BRINP3: variants seen among roughly 807,000 people sequenced by gnomAD.
The protein encoded by BRINP3 is BMP/retinoic acid inducible neural specific 3.
Under a neutral mutation model 71.0 loss-of-function variants are expected in BRINP3, and 19 were observed. The ratio of observed to expected loss-of-function variants is 0.27; its 90% CI spans 0.19 to 0.39. The LOEUF is 0.39. BRINP3 is among the 10% of genes least tolerant of loss of function. The probability of loss-of-function intolerance (pLI) is 1.00; values close to 1 mark genes in which losing one functional copy is unlikely to be tolerated. For missense variants in BRINP3, 959 were observed against 940.8 expected, an observed-to-expected ratio of 1.02 and a Z score of -0.25; for synonymous variants, 380 against 337.7, an observed-to-expected ratio of 1.13 and a Z score of -1.37.
rs765103774 is a variant in BRINP3, at chr1:190,264,971, G to C, written c.512C>G (p.Ser171Trp). 1.8e-5 allele frequency: 29 copies of C among 1,611,910 alleles called. No individual in the cohort carries two copies. Among genetic ancestry groups the C allele is most frequent in the Non-Finnish European group, 2.3e-5 (27 of 1,179,258 alleles). ...EGSDSTTNSS[S>W]VTLETLHQLA... ...CTGATGTAGCGTCTCCAGAGTGACC[G>C]AAGAGCTATTGGTGGTGGAATCACT... Residue 171 changes from serine (S) to tryptophan (W), a missense_variant, in exon 4 of 8, where the codon TCG becomes TGG. Transcript: ENST00000367462.
At chr1:190,253,373 T>C (rs566847714) in intron 4 of BRINP3, among the ~76,000 whole-genome samples, 6 of 152,326 alleles carry the variant, frequency 3.9e-5, no homozygotes, top group African/African-American at 1.4e-4. Flanking sequence ...ATGGTTGAAC[T>C]AGTTTACACT....
At chr1:190,131,738 C>T (rs990409702) in intron 7 of BRINP3, among the ~76,000 whole-genome samples, 1 of 152,006 alleles carries the variant, frequency 6.6e-6, no homozygotes, top group Non-Finnish European at 1.5e-5. Flanking sequence ...GTGGACTTAC[C>T]CAGCTCTCCA....
intron 2 of BRINP3, among the ~76,000 whole-genome samples, chr1:190,312,043 A>ATG (rs1454670385): frequency 1.7e-5 from 2 of 119,056 alleles, no homozygotes; most frequent in African/African-American, 7.3e-5. Context: ...TCAAATATAT[A>ATG]TATATATATA....
At chr1:190,188,758 G>C (rs1093088) in intron 6 of BRINP3, among the ~76,000 whole-genome samples, 20,026 of 151,416 alleles carry the variant, frequency 0.13, 1,514 homozygotes, top group African/African-American at 0.2. Context: ...TGGCTTGCTG[G>C]TATCTTTTTT....
chr1:190,221,863 A>T (rs1656919603), intron 6 of BRINP3, among the ~76,000 whole-genome samples: 1 of 152,132 alleles, frequency 6.6e-6, no homozygotes, highest in African/African-American at 2.4e-5. Flanking sequence ...AAGATAATAT[A>T]ACAATTATCA....
chr1:190,322,666 A>T (rs575542341), intron 2 of BRINP3, among the ~76,000 whole-genome samples: 1 of 152,108 alleles, frequency 6.6e-6, no homozygotes. Flanking sequence ...CAACATGTCA[A>T]TCTTCCCAAC....
chr1:190,390,916 G>A (rs929876117), intron 2 of BRINP3, among the ~76,000 whole-genome samples: 1 of 151,730 alleles, frequency 6.6e-6, no homozygotes, highest in Non-Finnish European at 1.5e-5. Context: ...GGAGTCCCCG[G>A]CTTTTTGTAT....
rs1301272937 is a variant in BRINP3 at position 190,405,484 on chromosome 1, AAAAAAAAAC to A, written c.236+49162_236+49170del. On this transcript the variant is annotated intron_variant, in intron 2 of 7. Coordinates refer to ENST00000367462, the MANE Select transcript of BRINP3 (RefSeq NM_199051.3). ...AAAAAAAAAAAAAAAAAAAAAAAAA[AAAAAAAAAC>A]CAGAATCAGAAGCGTGACATATCAT... 5.6e-4 allele frequency among the ~76,000 whole-genome samples: 43 copies of A among 76,462 alleles called. 5 individuals are homozygous for A. Among genetic ancestry groups the A allele is most frequent in the African/African-American group, 1.9e-3 (31 of 16,076 alleles). 50.2% of individuals were successfully genotyped at this position (76,462 alleles called of 152,430 possible).
chr1:190,306,664 G>C (rs747807849), intron 2 of BRINP3, among the ~76,000 whole-genome samples: 1 of 147,946 alleles, frequency 6.8e-6, no homozygotes, highest in Non-Finnish European at 1.5e-5. Flanking sequence ...GGATGGATCA[G>C]TTTTTTTTTT....
intron 7 of BRINP3, among the ~76,000 whole-genome samples, chr1:190,132,023 A>G (rs1440332106): frequency 6.6e-6 from 1 of 152,072 alleles, no homozygotes; most frequent in East Asian, 1.9e-4. Context: ...CTTGACTGAA[A>G]TGAAAGTTTG....
At chr1:190,405,469 AAAAAAAAAAAAAAAAAAAAAAAAC>A (rs774835526) in intron 2 of BRINP3, among the ~76,000 whole-genome samples, 1,228 of 99,594 alleles carry the variant, frequency 0.012, 76 homozygotes, top group South Asian at 0.039. Flanking sequence ...AAAAAAAAAA[AAAAAAAAAAAAAAAAAAAAAAAAC>A]CAGAATCAGA....
intron 6 of BRINP3, among the ~76,000 whole-genome samples, chr1:190,180,908 G>T (rs978552507): frequency 6.6e-6 from 1 of 151,892 alleles, no homozygotes; most frequent in Non-Finnish European, 1.5e-5. Context: ...ACTAATGATT[G>T]TATTTTACAT....
chr1:190,310,662 C>T (rs926630572), intron 2 of BRINP3, among the ~76,000 whole-genome samples: 1 of 151,646 alleles, frequency 6.6e-6, no homozygotes, highest in Non-Finnish European at 1.5e-5. Context: ...CCCTTTGTTA[C>T]TGTTTACTCA....
intron 4 of BRINP3, among the ~76,000 whole-genome samples, chr1:190,259,580 G>A (rs550557423): frequency 3.4e-3 from 511 of 148,478 alleles, no homozygotes; most frequent in African/African-American, 0.012. Context: ...GACAAAGAAA[G>A]AATTTCCATT....
chr1:190,264,809 G>T (rs1008423298), intron 4 of BRINP3, 56 bp downstream of exon 4: 84 of 1,453,184 alleles, frequency 5.8e-5, no homozygotes, highest in Non-Finnish European at 7.7e-5. Flanking sequence ...ATGCCTTTTG[G>T]ATATAGAGGA....
chr1:190,151,355 T>G (rs1289991829), intron 7 of BRINP3, among the ~76,000 whole-genome samples: 1 of 152,138 alleles, frequency 6.6e-6, no homozygotes, highest in Non-Finnish European at 1.5e-5. Flanking sequence ...CATTGTAAGA[T>G]CTGGAGAAAC....
chr1:190,419,616 C>A (rs1673229087), intron 2 of BRINP3, among the ~76,000 whole-genome samples: 1 of 151,708 alleles, frequency 6.6e-6, no homozygotes, highest in Non-Finnish European at 1.5e-5. Context: ...AACCTTACCT[C>A]CTTCATCCAG....
intron 6 of BRINP3, among the ~76,000 whole-genome samples, chr1:190,203,297 G>A (rs1017762784): frequency 6.6e-6 from 1 of 151,688 alleles, no homozygotes; most frequent in Non-Finnish European, 1.5e-5. Flanking sequence ...CAAATGGATT[G>A]GGTTTTTAAA....
intron 2 of BRINP3, among the ~76,000 whole-genome samples, chr1:190,301,713 T>A (rs1664753995): frequency 6.6e-6 from 1 of 151,946 alleles, no homozygotes; most frequent in Admixed American, 6.6e-5. Context: ...TAACTATCTC[T>A]GTGTTCATTT....
Sources: allele counts gnomAD v4.1 joint callset (sites outside exome capture counted in the v4.1 genomes callset), GRCh38; gene constraint gnomAD v4.1.1; transcripts MANE v1.5; gene names NCBI Gene and HGNC (gene_info 2026-07-23, HGNC 2026-07-21).